The following PPARGC1A variants were observed in gnomAD, a reference collection of about 807,000 sequenced individuals.
The protein encoded by PPARGC1A is PPARG coactivator 1 alpha.
Under a neutral mutation model 88.7 loss-of-function variants are expected in PPARGC1A, and 25 were observed. The observed-to-expected ratio is 0.28, with a 90% CI of 0.21 to 0.39. The LOEUF (loss-of-function observed/expected upper bound fraction) is 0.39. Among genes scored for constraint, PPARGC1A ranks in the 10% least tolerant of loss-of-function variants. PPARGC1A has a pLI of 1.00. For missense variants in PPARGC1A, 880 were observed against 968.7 expected (o/e 0.91, Z 1.22); for synonymous variants, 363 against 355.6 (o/e 1.02, Z -0.24).
chr4:24,116,653 G>A, the PPARGC1A span, among the ~76,000 whole-genome samples: 1 of 152,180 alleles, frequency 6.6e-6, no homozygotes, highest in African/African-American at 2.4e-5. Flanking sequence ...CTGGCAGAAG[G>A]AACAGCACAT....
At chr4:24,116,028 A>G in the PPARGC1A span, among the ~76,000 whole-genome samples, 1 of 152,178 alleles carries the variant, frequency 6.6e-6, no homozygotes, top group African/African-American at 2.4e-5. Flanking sequence ...ACACAAGCAG[A>G]TGAGAGAAAA....
At chr4:24,150,789 G>A in the PPARGC1A span, among the ~76,000 whole-genome samples, 5 of 152,100 alleles carry the variant, frequency 3.3e-5, no homozygotes, top group African/African-American at 9.7e-5. Flanking sequence ...AGCAAAGCTG[G>A]GACCACATCT....
the PPARGC1A span, among the ~76,000 whole-genome samples, chr4:24,263,344 CAG>C: frequency 6.6e-6 from 1 of 152,100 alleles, no homozygotes. Context: ...ATATTTCATG[CAG>C]AGTTTATTTC....
At chr4:24,405,948 A>C in the PPARGC1A span, among the ~76,000 whole-genome samples, 10 of 138,882 alleles carry the variant, frequency 7.2e-5, no homozygotes, top group East Asian at 2.1e-4. Context: ...CTTCCTCCCC[A>C]CTCTCACTTC....
the PPARGC1A span, among the ~76,000 whole-genome samples, chr4:24,034,184 A>G: frequency 1.4e-4 from 22 of 152,216 alleles, no homozygotes; most frequent in Non-Finnish European, 5.9e-5. Flanking sequence ...AAGATACTTA[A>G]GATAGAGAGA....
Position 23,814,137 on chromosome 4 carries a change from G to C in PPARGC1A, c.1346C>G (p.Thr449Arg), listed in dbSNP as rs369980273. The change falls in exon 8 of 13, where the codon ACA becomes AGA. Residue 449 changes from threonine to arginine, a missense_variant. Thr to Arg is a moderately conservative substitution (Grantham distance 71). Coordinates refer to ENST00000264867, the MANE Select transcript of PPARGC1A (RefSeq NM_013261.5). The part of the protein sequence containing the change: ...EASKQVSPCS[T>R]RKQLQDQEIR... ...TTCCTGGTCTTGGAGCTGTTTTCTT[G>C]TGCTGCAAGGAGAGACCTGCTTGCT... 6.2e-7 allele frequency: 1 copy of C among 1,613,914 alleles called. No individual in the cohort carries two copies. The highest frequency in any genetic ancestry group is 8.5e-7 in the Non-Finnish European group (1 of 1,180,004).
At chr4:23,893,420 A>T (rs1437515359), upstream of PPARGC1A, among the ~76,000 whole-genome samples, 1 of 152,196 alleles carries the variant, frequency 6.6e-6, no homozygotes, top group East Asian at 1.9e-4. Flanking sequence ...AGGTGATTTC[A>T]GAAGCAAACT....
chr4:24,460,360 C>T, the PPARGC1A span, among the ~76,000 whole-genome samples: 9 of 152,088 alleles, frequency 5.9e-5, no homozygotes, highest in East Asian at 1.9e-4. Flanking sequence ...GGACACTTTA[C>T]GGTTTACAAA....
the PPARGC1A span, among the ~76,000 whole-genome samples, chr4:24,357,000 T>C: frequency 6.6e-6 from 1 of 152,146 alleles, no homozygotes; most frequent in Non-Finnish European, 1.5e-5. Context: ...TTCCCCATCC[T>C]GGGAACAGCC....
chr4:24,327,684 T>C, the PPARGC1A span, among the ~76,000 whole-genome samples: 73,685 of 150,760 alleles, frequency 0.49, 19,283 homozygotes, highest in Admixed American at 0.65. Context: ...TACGTTCCCA[T>C]ACCGCCCCTA....
At chr4:23,965,258 T>C in the PPARGC1A span, among the ~76,000 whole-genome samples, 1 of 152,312 alleles carries the variant, frequency 6.6e-6, no homozygotes, top group African/African-American at 2.4e-5. Context: ...CTTGGACTGA[T>C]TAAAATCACA....
chr4:24,328,022 C>A, the PPARGC1A span, among the ~76,000 whole-genome samples: 3 of 152,104 alleles, frequency 2.0e-5, no homozygotes, highest in African/African-American at 7.2e-5. Flanking sequence ...CCTGCCCCTG[C>A]CCACCAGAGA....
chr4:23,809,936 G>T (rs1720563374), intron 10 of PPARGC1A, among the ~76,000 whole-genome samples: 1 of 152,116 alleles, frequency 6.6e-6, no homozygotes, highest in South Asian at 2.1e-4. Flanking sequence ...CAGTGCCACA[G>T]ATGCACCCCT....
chr4:24,389,108 T>C, the PPARGC1A span, among the ~76,000 whole-genome samples: 1 of 152,176 alleles, frequency 6.6e-6, no homozygotes, highest in Non-Finnish European at 1.5e-5. Flanking sequence ...GAATACTATT[T>C]ACAGTAGTAA....
chr4:23,965,083 A>C, the PPARGC1A span, among the ~76,000 whole-genome samples: 1 of 152,090 alleles, frequency 6.6e-6, no homozygotes, highest in East Asian at 1.9e-4. Context: ...CATCAGTGGG[A>C]CCAGAGATGG....
chr4:24,394,861 C>T, the PPARGC1A span, among the ~76,000 whole-genome samples: 2 of 152,180 alleles, frequency 1.3e-5, no homozygotes, highest in Non-Finnish European at 2.9e-5. Flanking sequence ...AAATGCTTGG[C>T]TTGGAATCAG....
the PPARGC1A span, among the ~76,000 whole-genome samples, chr4:24,340,320 C>T: frequency 6.6e-6 from 1 of 152,108 alleles, no homozygotes; most frequent in Admixed American, 6.5e-5. Context: ...CATAAATAAA[C>T]TGACAAAAAA....
the PPARGC1A span, among the ~76,000 whole-genome samples, chr4:24,231,422 C>T: frequency 5.0e-3 from 760 of 152,268 alleles, 8 homozygotes; most frequent in African/African-American, 0.017. Context: ...GTAAGGTACT[C>T]TCCAGTCCGG....
At chr4:23,989,245 C>T in the PPARGC1A span, among the ~76,000 whole-genome samples, 3 of 152,006 alleles carry the variant, frequency 2.0e-5, no homozygotes, top group South Asian at 2.1e-4. Context: ...TTTCAATCCT[C>T]GGTTAACAAG....
Sources: allele counts gnomAD v4.1 joint callset (sites outside exome capture counted in the v4.1 genomes callset), GRCh38; gene constraint gnomAD v4.1.1; transcripts MANE v1.5; gene names NCBI Gene and HGNC (gene_info 2026-07-23, HGNC 2026-07-21).